Variants in RASEF observed in about 807,000 individuals in gnomAD.
RASEF encodes ras and EF-hand domain-containing protein.
RASEF carries 68 observed loss-of-function variants against 90.1 expected under a neutral mutation model. The observed-to-expected ratio is 0.75, with a 90% CI of 0.62 to 0.92. The LOEUF (loss-of-function observed/expected upper bound fraction) is 0.92, where lower values mean the gene tolerates loss of function less well. RASEF is among the 40% of genes least tolerant of loss of function. RASEF has a pLI of 0.00. For synonymous variants in RASEF, 331 were observed against 345.2 expected (o/e 0.96, Z 0.46); for missense variants, 949 against 937.2 (o/e 1.01, Z -0.16).
At chr9:83,175,386 A>G in the RASEF span, among the ~76,000 whole-genome samples, 3 of 152,076 alleles carry the variant, frequency 2.0e-5, no homozygotes, top group Admixed American at 2.0e-4. Flanking sequence ...TCTTTATTCT[A>G]TTGATACAGC....
chr9:83,195,002 C>T, the RASEF span, among the ~76,000 whole-genome samples: 1 of 152,318 alleles, frequency 6.6e-6, no homozygotes, highest in Admixed American at 6.5e-5. Flanking sequence ...TATTAGAAAA[C>T]AAGACCTGTG....
intron 1 of RASEF, among the ~76,000 whole-genome samples, chr9:83,057,226 T>C (rs989617844): frequency 3.4e-4 from 51 of 152,214 alleles, no homozygotes; most frequent in Non-Finnish European, 2.8e-4. Context: ...CCCATCCAAA[T>C]TGGAAAACAG....
intron 16 of RASEF, among the ~76,000 whole-genome samples, chr9:82,988,475 T>A (rs1248570122): frequency 6.6e-6 from 1 of 152,142 alleles, no homozygotes; most frequent in African/African-American, 2.4e-5. Flanking sequence ...TTTTAAAAGA[T>A]GAAATGGTTT....
chr9:83,094,586 T>C, the RASEF span, among the ~76,000 whole-genome samples: 7 of 152,320 alleles, frequency 4.6e-5, no homozygotes, highest in South Asian at 1.0e-3. Context: ...ATTTACAGAT[T>C]TGTTTCTATG....
chr9:83,032,211 G>A (rs1202326448), intron 1 of RASEF, among the ~76,000 whole-genome samples: 1 of 152,020 alleles, frequency 6.6e-6, no homozygotes, highest in African/African-American at 2.4e-5. Flanking sequence ...GACGTCAAAG[G>A]TTAAACAAGC....
the RASEF span, among the ~76,000 whole-genome samples, chr9:83,085,301 C>A: frequency 2.2e-4 from 33 of 152,180 alleles, no homozygotes; most frequent in African/African-American, 7.2e-4. Flanking sequence ...GACATAAAAT[C>A]TCAATGTCCA....
chr9:83,071,481 T>G, the RASEF span, among the ~76,000 whole-genome samples: 1 of 152,132 alleles, frequency 6.6e-6, no homozygotes. Flanking sequence ...TCTCAGCTCA[T>G]GGCAACCTCT....
the RASEF span, among the ~76,000 whole-genome samples, chr9:83,175,747 A>AT: frequency 6.6e-6 from 1 of 151,814 alleles, no homozygotes; most frequent in Non-Finnish European, 1.5e-5. Context: ...TGCCCGGCTA[A>AT]TTTTTTGTAT....
At chr9:83,076,430 A>T in the RASEF span, among the ~76,000 whole-genome samples, 1 of 33,624 alleles carries the variant, frequency 3.0e-5, no homozygotes, top group South Asian at 1.4e-3. Flanking sequence ...GGTCTAGTTA[A>T]GAAAAAAAAA....
At chr9:83,186,123 T>G in the RASEF span, among the ~76,000 whole-genome samples, 49 of 152,324 alleles carry the variant, frequency 3.2e-4, no homozygotes, top group African/African-American at 1.1e-3. Flanking sequence ...GGAGTGGCTG[T>G]GTTTCTGTAA....
the RASEF span, among the ~76,000 whole-genome samples, chr9:83,162,689 C>G: frequency 6.6e-6 from 1 of 152,160 alleles, no homozygotes; most frequent in African/African-American, 2.4e-5. Context: ...ACTGCTGCCC[C>G]AAAGACTGAA....
the RASEF span, among the ~76,000 whole-genome samples, chr9:83,215,684 T>A: frequency 4.2e-3 from 639 of 152,252 alleles, 4 homozygotes; most frequent in African/African-American, 0.015. Flanking sequence ...CTGCAGACAG[T>A]AGGGTGCTGC....
chr9:82,987,324 G>T (rs1828727580), intron 16 of RASEF, among the ~76,000 whole-genome samples: 2 of 152,092 alleles, frequency 1.3e-5, no homozygotes, highest in South Asian at 4.1e-4. Flanking sequence ...AGGCCATAAT[G>T]CAATAACAAT....
the RASEF span, among the ~76,000 whole-genome samples, chr9:83,121,419 T>C: frequency 6.6e-6 from 1 of 152,220 alleles, no homozygotes; most frequent in African/African-American, 2.4e-5. Flanking sequence ...CATCTGATTC[T>C]CAAAAACATT....
the RASEF span, among the ~76,000 whole-genome samples, chr9:83,212,671 T>G: frequency 1.3e-5 from 2 of 152,224 alleles, no homozygotes. Flanking sequence ...AAATAAGCTT[T>G]GCCTCCCAGC....
the RASEF span, among the ~76,000 whole-genome samples, chr9:83,127,410 G>T: frequency 1.3e-5 from 2 of 152,054 alleles, no homozygotes; most frequent in African/African-American, 4.8e-5. Context: ...AGGGTCCCCA[G>T]GAGCCCATAG....
At chr9:83,069,739 A>G in the RASEF span, among the ~76,000 whole-genome samples, 327 of 152,346 alleles carry the variant, frequency 2.1e-3, 2 homozygotes, top group African/African-American at 7.2e-3. Context: ...AAAAGCAACT[A>G]AGTGCTTTCC....
At chr9:83,136,795 C>G in the RASEF span, among the ~76,000 whole-genome samples, 1 of 151,980 alleles carries the variant, frequency 6.6e-6, no homozygotes, top group East Asian at 1.9e-4. Context: ...GCATAGTTTA[C>G]ACTTTATTTA....
chr9:83,165,142 A>G, the RASEF span, among the ~76,000 whole-genome samples: 6 of 152,106 alleles, frequency 3.9e-5, no homozygotes, highest in Non-Finnish European at 8.8e-5. Flanking sequence ...CAACACCACC[A>G]TCAATTGACT....
Sources: gnomAD v4.1 joint callset for allele counts (sites outside exome capture counted in the v4.1 genomes callset) on GRCh38, gnomAD v4.1.1 for gene constraint, MANE v1.5 for transcripts, NCBI Gene and HGNC (gene_info 2026-07-23, HGNC 2026-07-21) for gene names.